Variants in NCOA7 observed in about 807,000 individuals in gnomAD.
The protein encoded by NCOA7 is 140 kDa estrogen receptor-associated protein.
In NCOA7, 45 loss-of-function variants were observed where a neutral mutation model predicts 104.3. The ratio of observed to expected loss-of-function variants is 0.43; its 90% CI spans 0.34 to 0.55. NCOA7 has a LOEUF of 0.55. Ranked by LOEUF, NCOA7 falls within the 20% of genes least tolerant of loss-of-function variation. The probability of loss-of-function intolerance (pLI) is 0.02; values close to 1 mark genes in which losing one functional copy is unlikely to be tolerated. For synonymous variants in NCOA7, 398 were observed against 402.3 expected (o/e 0.99, Z 0.13); for missense variants, 1,041 against 1,119.7 (o/e 0.93, Z 1.00).
chr6:125,811,957 G>A (rs1777052390), intron 1 of NCOA7, among the ~76,000 whole-genome samples: 1 of 152,188 alleles, frequency 6.6e-6, no homozygotes, highest in African/African-American at 2.4e-5. Flanking sequence ...GAAAGACACT[G>A]GAGTGTATAC....
intron 1 of NCOA7, among the ~76,000 whole-genome samples, chr6:125,791,680 C>G (rs929157854): frequency 2.0e-5 from 3 of 152,070 alleles, no homozygotes; most frequent in Admixed American, 6.5e-5. Context: ...TATTTAGGAG[C>G]CTCTGCTTAC....
At chr6:125,922,289 A>G (rs1335167666) in intron 12 of NCOA7, among the ~76,000 whole-genome samples, 1 of 152,210 alleles carries the variant, frequency 6.6e-6, no homozygotes, top group Non-Finnish European at 1.5e-5. Flanking sequence ...AGCTCTCAGT[A>G]GCAGTTTTGA....
chr6:125,788,927 CTTAA>C (rs1273749408), upstream of NCOA7, among the ~76,000 whole-genome samples: 2 of 152,000 alleles, frequency 1.3e-5, no homozygotes, highest in African/African-American at 4.8e-5. Context: ...AACATCACTG[CTTAA>C]TTTATTTACA....
chr6:125,835,704 CAG>C (rs1444124669), intron 2 of NCOA7, among the ~76,000 whole-genome samples: 2 of 152,200 alleles, frequency 1.3e-5, no homozygotes, highest in African/African-American at 4.8e-5. Flanking sequence ...CTGGCAGAGG[CAG>C]AGACTCAGTG....
intron 3 of NCOA7, among the ~76,000 whole-genome samples, chr6:125,873,922 G>A (rs1783135692): frequency 6.6e-6 from 1 of 152,110 alleles, no homozygotes; most frequent in Non-Finnish European, 1.5e-5. Flanking sequence ...ATTGCAGTAC[G>A]GTTCTGGGGT....
chr6:125,828,653 G>T (rs1389875547), intron 2 of NCOA7, among the ~76,000 whole-genome samples: 1 of 152,160 alleles, frequency 6.6e-6, no homozygotes, highest in Non-Finnish European at 1.5e-5. Context: ...AAGACTGGTG[G>T]TTACTTAATG....
At chr6:125,781,463 A>C (rs931032365) in intron 1 of NCOA7, 3 of 152,236 alleles carry the variant, frequency 2.0e-5, no homozygotes, top group Admixed American at 6.5e-5. Flanking sequence ...AATATGTAAT[A>C]ATATGAGAAC....
intron 12 of NCOA7, among the ~76,000 whole-genome samples, chr6:125,921,281 A>G (rs527455829): frequency 1.3e-5 from 2 of 152,284 alleles, no homozygotes; most frequent in East Asian, 3.9e-4. Flanking sequence ...GTGATGGCAC[A>G]TGCCTCTAAT....
intron 10 of NCOA7, among the ~76,000 whole-genome samples, chr6:125,905,614 C>T (rs184483546): frequency 6.6e-5 from 10 of 151,882 alleles, no homozygotes; most frequent in South Asian, 6.3e-4. Context: ...GAGCCAGGTT[C>T]GATTTAACAA....
Position 125,890,745 on chromosome 6 carries a change from C to T in NCOA7, c.2031C>T (p.Ala677=). 6.2e-7 allele frequency: 1 copy of T among 1,613,842 alleles called. No homozygotes were observed. Among genetic ancestry groups the T allele is most frequent in the Non-Finnish European group, 8.5e-7 (1 of 1,179,868 alleles). ...MRKSFATHTA[A]MVQQYGKRRK... The stretch of plus-strand genomic sequence containing the variant: ...AATCCTTTGCCACTCACACTGCAGC[C>T]ATGGTCCAGCAGTACGGCAAACGGA... Residue 677 remains alanine, a synonymous_variant, in exon 10 of 16, where the codon GCC becomes GCT. Coordinates refer to ENST00000392477, the MANE Select transcript of NCOA7 (RefSeq NM_181782.5).
intron 1 of NCOA7, among the ~76,000 whole-genome samples, chr6:125,807,711 G>A (rs1482381889): frequency 3.3e-5 from 5 of 152,104 alleles, no homozygotes; most frequent in African/African-American, 9.7e-5. Flanking sequence ...TGATAAGGGA[G>A]GCCTCTATAT....
chr6:125,871,222 TG>T (rs1427157250), intron 3 of NCOA7, among the ~76,000 whole-genome samples: 1 of 152,206 alleles, frequency 6.6e-6, no homozygotes, highest in Non-Finnish European at 1.5e-5. Flanking sequence ...TCAGTGTCAT[TG>T]GAAGACAGTT....
At chr6:125,893,076 A>G (rs943815407) in intron 10 of NCOA7, among the ~76,000 whole-genome samples, 5 of 152,220 alleles carry the variant, frequency 3.3e-5, no homozygotes, top group African/African-American at 1.2e-4. Context: ...TTAAGGCTCA[A>G]CAGAAGTCCT....
chr6:125,826,476 A>AT (rs1432880953), intron 2 of NCOA7, among the ~76,000 whole-genome samples: 10 of 151,884 alleles, frequency 6.6e-5, no homozygotes, highest in African/African-American at 2.4e-4. Flanking sequence ...CCTTTCTGTG[A>AT]TTTTGAATAA....
intron 12 of NCOA7, 31 bp downstream of exon 12, chr6:125,921,099 G>T (rs769898936): frequency 1.6e-5 from 25 of 1,603,098 alleles, no homozygotes; most frequent in Non-Finnish European, 2.0e-5. Context: ...AAGGGTGGGG[G>T]TTCCTAGGCT....
At chr6:125,806,565 C>G (rs746711948) in intron 1 of NCOA7, among the ~76,000 whole-genome samples, 2 of 152,102 alleles carry the variant, frequency 1.3e-5, no homozygotes, top group African/African-American at 4.8e-5. Context: ...TAGTGATTCT[C>G]ATTGGTTGTG....
At chr6:125,923,406 G>A (rs1254662035) in intron 13 of NCOA7, among the ~76,000 whole-genome samples, 2 of 152,184 alleles carry the variant, frequency 1.3e-5, no homozygotes, top group Non-Finnish European at 2.9e-5. Flanking sequence ...GTCTTTCTTG[G>A]AGGAACTAGT....
At chr6:125,907,349 G>C (rs1459252914) in intron 10 of NCOA7, among the ~76,000 whole-genome samples, 1 of 151,598 alleles carries the variant, frequency 6.6e-6, no homozygotes, top group East Asian at 1.9e-4. Context: ...TGCAGAGACA[G>C]AGGGTACCAC....
At chr6:125,857,597 G>T (rs1781682033) in intron 3 of NCOA7, among the ~76,000 whole-genome samples, 1 of 151,252 alleles carries the variant, frequency 6.6e-6, no homozygotes, top group Admixed American at 6.6e-5. Context: ...GTCTCGCTCT[G>T]TCACCCAGGC....
Sources: gnomAD v4.1 joint callset for allele counts (sites outside exome capture counted in the v4.1 genomes callset) on GRCh38, gnomAD v4.1.1 for gene constraint, MANE v1.5 for transcripts, NCBI Gene and HGNC (gene_info 2026-07-23, HGNC 2026-07-21) for gene names.